The following CFAP20DC variants were observed in gnomAD, a reference collection of about 807,000 sequenced individuals.
CFAP20DC encodes the protein CFAP20 domain containing.
A neutral mutation model predicts 101.7 loss-of-function variants in CFAP20DC; 84 were observed. The observed-to-expected ratio is 0.83, with a 90% CI of 0.69 to 0.99. CFAP20DC has a LOEUF of 0.99. Ranked by LOEUF, CFAP20DC falls within the 50% of genes least tolerant of loss-of-function variation. The pLI, the probability that CFAP20DC is intolerant of heterozygous loss-of-function variation, is 0.00. For synonymous variants in CFAP20DC, 359 were observed against 351.2 expected, an observed-to-expected ratio of 1.02 and a Z score of -0.25; for missense variants, 1,007 against 970.3, an observed-to-expected ratio of 1.04 and a Z score of -0.50.
At chr3:58,818,312 G>A (rs1341203394) in intron 14 of CFAP20DC, among the ~76,000 whole-genome samples, 5 of 148,714 alleles carry the variant, frequency 3.4e-5, no homozygotes, top group African/African-American at 5.0e-5. Context: ...AATGTAAATG[G>A]ACTAAATGCT....
intron 7 of CFAP20DC, among the ~76,000 whole-genome samples, chr3:58,878,951 C>T (rs947645207): frequency 4.6e-5 from 7 of 150,828 alleles, no homozygotes; most frequent in Non-Finnish European, 8.8e-5. Flanking sequence ...GAGCTTGCAG[C>T]GAGCCAAGAT....
chr3:58,734,188 T>A (rs1373250848), intron 3 of CFAP20DC, among the ~76,000 whole-genome samples: 1 of 152,246 alleles, frequency 6.6e-6, no homozygotes, highest in Non-Finnish European at 1.5e-5. Flanking sequence ...TTTTGCCTTC[T>A]GCCATGATTA....
At chr3:58,954,995 T>TAA (rs1206589803) in intron 4 of CFAP20DC, among the ~76,000 whole-genome samples, 2 of 142,228 alleles carry the variant, frequency 1.4e-5, no homozygotes, top group Non-Finnish European at 1.5e-5. Context: ...AAATAAAAAC[T>TAA]AAAAAAAAAA....
chr3:58,941,595 A>T (rs1269000526), intron 4 of CFAP20DC, among the ~76,000 whole-genome samples: 1 of 151,286 alleles, frequency 6.6e-6, no homozygotes, highest in Non-Finnish European at 1.5e-5. Context: ...TTGAGATAGA[A>T]TCTCGCTCTG....
chr3:59,030,088 A>T (rs1381989719), intron 4 of CFAP20DC, among the ~76,000 whole-genome samples: 2 of 152,188 alleles, frequency 1.3e-5, no homozygotes, highest in Non-Finnish European at 2.9e-5. Context: ...TTGATGTATA[A>T]ATGTATCTTT....
chr3:58,869,005 T>C lies in CFAP20DC; in HGVS notation c.1015+323A>G, dbSNP rs2079916502. Among the ~76,000 whole-genome samples the C allele has an allele frequency of 6.6e-6, 1 of 152,156 alleles. No homozygotes were observed. Among genetic ancestry groups the C allele is most frequent in the South Asian group, 2.1e-4 (1 of 4,828 alleles). On this transcript the variant is annotated intron_variant, in intron 9 of 16. Coordinates refer to ENST00000482387, the MANE Select transcript of CFAP20DC (RefSeq NM_001394063.1). The surrounding 1 kb of genome is among the most constrained non-coding windows in gnomAD (Gnocchi z 4.3). ...GGAAGAGATTAATTAAAAGATAATA[T>C]TAAGCTAAGAACACTTAAAATGCAC...
intron 15 of CFAP20DC, among the ~76,000 whole-genome samples, chr3:58,773,388 CAAA>C (rs752693103): frequency 3.0e-5 from 3 of 99,114 alleles, no homozygotes; most frequent in Non-Finnish European, 6.4e-5. Context: ...TCATCTCTAG[CAAA>C]AAAAAAAAAA....
chr3:58,802,941 ACTC>A (rs1352598636), intron 15 of CFAP20DC, among the ~76,000 whole-genome samples: 1 of 151,698 alleles, frequency 6.6e-6, no homozygotes, highest in East Asian at 1.9e-4. Context: ...ACTCCACTGC[ACTC>A]CAGTCCAGGT....
chr3:58,823,259 T>C (rs974204087), intron 14 of CFAP20DC, among the ~76,000 whole-genome samples: 3 of 152,130 alleles, frequency 2.0e-5, no homozygotes, highest in Non-Finnish European at 4.4e-5. Flanking sequence ...ATATTTTTCC[T>C]CCCCTACAAT....
chr3:58,944,978 C>T lies in CFAP20DC; in HGVS notation c.279-7216G>A, dbSNP rs150859059. On this transcript the variant is annotated intron_variant, in intron 4 of 16. Transcript: ENST00000482387. ...CTGACTTAGACTTCAGTGTAAGATG[C>T]ATACATTTTCCAAAAATATCATTAT... 5.3e-5 allele frequency among the ~76,000 whole-genome samples: 8 copies of T among 152,280 alleles called. No individual in the cohort carries two copies. The East Asian group carries it at 1.4e-3, about 26-fold the overall frequency.
chr3:58,924,893 T>G (rs770777827), intron 5 of CFAP20DC, among the ~76,000 whole-genome samples: 8 of 152,206 alleles, frequency 5.3e-5, no homozygotes, highest in Non-Finnish European at 1.2e-4. Context: ...AAGTGCCTGT[T>G]CACACCCATA....
At chr3:58,779,895 C>G (rs934926780) in intron 15 of CFAP20DC, among the ~76,000 whole-genome samples, 4 of 152,036 alleles carry the variant, frequency 2.6e-5, no homozygotes, top group Non-Finnish European at 5.9e-5. Context: ...AAGCTCTTCT[C>G]CCTGGCACAG....
rs1177347042 is a variant in CFAP20DC, at chr3:58,732,182, A to G, written c.198-14554T>C. ...ATTTCCAGGGCAGAATAAAGCATTCAGCAGAGTCACGGTCCAAGGCCTACC... is the reference window on the plus strand; with the variant it reads ...ATTTCCAGGGCAGAATAAAGCATTCGGCAGAGTCACGGTCCAAGGCCTACC... On this transcript the variant is annotated intron_variant, in intron 3 of 3. Coordinates refer to the CFAP20DC transcript ENST00000486145. This position sits in a 1 kb window ranked among gnomAD's most constrained non-coding sequence, Gnocchi z 5.4. Among the ~76,000 whole-genome samples the G allele has an allele frequency of 6.6e-6, 1 of 152,198 alleles. No homozygotes were observed. Among genetic ancestry groups the G allele is most frequent in the African/African-American group, 2.4e-5 (1 of 41,460 alleles).
intron 5 of CFAP20DC, among the ~76,000 whole-genome samples, chr3:58,924,775 C>T (rs2085763309): frequency 6.6e-6 from 1 of 152,008 alleles, no homozygotes; most frequent in Non-Finnish European, 1.5e-5. Context: ...TATTCTGACT[C>T]ATGTGTGATG....
At chr3:58,987,313 G>A (rs2108575510) in intron 4 of CFAP20DC, among the ~76,000 whole-genome samples, 1 of 152,142 alleles carries the variant, frequency 6.6e-6, no homozygotes, top group African/African-American at 2.4e-5. Flanking sequence ...CTTCCAAGTG[G>A]TCAAGGTTAA....
chr3:58,933,933 G>A (rs1234560505), intron 5 of CFAP20DC, among the ~76,000 whole-genome samples: 1 of 152,006 alleles, frequency 6.6e-6, no homozygotes, highest in East Asian at 1.9e-4. Context: ...GAGCAGAACT[G>A]AAGGAAATAG....
intron 14 of CFAP20DC, among the ~76,000 whole-genome samples, chr3:58,822,369 T>C (rs1179893352): frequency 2.8e-5 from 4 of 144,550 alleles, no homozygotes; most frequent in Non-Finnish European, 6.0e-5. Context: ...TTCTCACTCA[T>C]AGGTGGGAAC....
intron 16 of CFAP20DC, among the ~76,000 whole-genome samples, chr3:58,746,919 T>C (rs954128749): frequency 6.6e-6 from 1 of 152,210 alleles, no homozygotes; most frequent in Admixed American, 6.5e-5. Flanking sequence ...ATAATATCAT[T>C]ACGCAATTAC....
At chr3:58,783,008 C>G (rs1397359762) in intron 15 of CFAP20DC, among the ~76,000 whole-genome samples, 1 of 151,936 alleles carries the variant, frequency 6.6e-6, no homozygotes, top group African/African-American at 2.4e-5. Flanking sequence ...TGTGAGGCAT[C>G]ATATTACCTG....
Sources: allele counts gnomAD v4.1 joint callset (sites outside exome capture counted in the v4.1 genomes callset), GRCh38; gene constraint gnomAD v4.1.1; non-coding constraint Gnocchi (gnomAD v3.1); transcripts MANE v1.5; gene names NCBI Gene and HGNC (gene_info 2026-07-23, HGNC 2026-07-21).